The following RNF220 variants were observed in gnomAD, a reference collection of about 807,000 sequenced individuals.
RNF220 encodes ring finger protein 220.
In RNF220, 7 loss-of-function variants were observed where a neutral mutation model predicts 67.1. The ratio of observed to expected loss-of-function variants is 0.10; its 90% CI spans 0.06 to 0.20. The LOEUF is 0.20. RNF220 is among the 10% of genes least tolerant of loss of function. The probability of loss-of-function intolerance (pLI) is 1.00; values close to 1 mark genes in which losing one functional copy is unlikely to be tolerated. For missense variants in RNF220, 565 were observed against 740.3 expected, an observed-to-expected ratio of 0.76 and a Z score of 2.75; for synonymous variants, 270 against 283.2, an observed-to-expected ratio of 0.95 and a Z score of 0.47.
At chr1:44,619,894 A>G (rs1643722034) in intron 3 of RNF220, among the ~76,000 whole-genome samples, 1 of 152,138 alleles carries the variant, frequency 6.6e-6, no homozygotes, top group African/African-American at 2.4e-5. Flanking sequence ...GCTCAGAGAG[A>G]GGCAAGGAGT....
chr1:44,569,809 C>T (rs1326868616), intron 2 of RNF220, among the ~76,000 whole-genome samples: 1 of 152,214 alleles, frequency 6.6e-6, no homozygotes, highest in Non-Finnish European at 1.5e-5. Context: ...AGGGGCATTT[C>T]TTTCTAGACC....
chr1:44,649,237 A>G lies in RNF220; in HGVS notation c.1446-424A>G, dbSNP rs1038897760. The stretch of plus-strand genomic sequence containing the variant: ...TTGCTTTGAGAACATAAATTCCTCT[A>G]GGCGCTGGGAGAGTGGAATAGAGAT... On this transcript the variant is annotated intron_variant, in intron 12 of 14. Coordinates refer to ENST00000361799, the MANE Select transcript of RNF220 (RefSeq NM_018150.4). The surrounding 1 kb of genome is among the most constrained non-coding windows in gnomAD (Gnocchi z 5.9). The G allele has an allele frequency of 4.6e-5, 10 of 215,708 alleles. No homozygotes were observed. Among genetic ancestry groups the G allele is most frequent in the African/African-American group, 7.1e-5 (3 of 42,374 alleles). 13.4% of individuals were successfully genotyped at this position (215,708 alleles called of 1,614,324 possible). A position where few individuals can be genotyped will look rare whatever the true frequency, so the allele number is the denominator to read the frequency against.
At chr1:44,501,376 G>C (rs1418992697) in intron 2 of RNF220, among the ~76,000 whole-genome samples, 1 of 152,104 alleles carries the variant, frequency 6.6e-6, no homozygotes, top group East Asian at 1.9e-4. Context: ...CTAGAGTTGA[G>C]GGGGAGGGGG....
chr1:44,436,612 C>T (rs1216039437), intron 2 of RNF220, among the ~76,000 whole-genome samples: 4 of 152,108 alleles, frequency 2.6e-5, no homozygotes, highest in African/African-American at 4.8e-5. Flanking sequence ...CTTGACAAAA[C>T]ATGATTTTCT....
chr1:44,492,526 G>A lies in RNF220; in HGVS notation c.625+79804G>A, dbSNP rs866325390. ...GTGGAAGCAACCCAAATAGCCATCA[G>A]CTGATGAATGGATAAACACAAATGT... On this transcript the variant is annotated intron_variant, in intron 2 of 14. Coordinates refer to ENST00000361799, the MANE Select transcript of RNF220 (RefSeq NM_018150.4). Among the ~76,000 whole-genome samples the A allele has an allele frequency of 6.6e-5, 10 of 152,196 alleles. No individual in the cohort carries two copies. In the South Asian group the frequency reaches 1.2e-3, roughly 19 times the overall value.
At chr1:44,416,943 A>G (rs1054537807) in intron 2 of RNF220, among the ~76,000 whole-genome samples, 5 of 152,254 alleles carry the variant, frequency 3.3e-5, no homozygotes, top group Admixed American at 2.0e-4. Context: ...TGTTCTAACA[A>G]TCAAATCAGC....
At position 44,651,562 on chromosome 1, in the gene RNF220, T is replaced by C. The variant is rs1644786742; in HGVS notation, c.*787T>C. ...GCCACCCAGCCTCTGCTGAGAACCA[T>C]TCCTGGGATTAGAGCTGCCTTTCCC... On this transcript the variant is annotated 3_prime_UTR_variant, in exon 15 of 15. Coordinates refer to ENST00000361799, the MANE Select transcript of RNF220 (RefSeq NM_018150.4). The C allele has an allele frequency of 6.5e-6, 1 of 152,746 alleles. No homozygotes were observed. The highest frequency in any genetic ancestry group is 1.5e-5 in the Non-Finnish European group (1 of 68,146). 9.5% of individuals were successfully genotyped at this position (152,746 alleles called of 1,614,324 possible). A position where few individuals can be genotyped will look rare whatever the true frequency, so the allele number is the denominator to read the frequency against.
At chr1:44,427,755 A>C (rs1374345223) in intron 2 of RNF220, among the ~76,000 whole-genome samples, 2 of 152,204 alleles carry the variant, frequency 1.3e-5, no homozygotes, top group African/African-American at 4.8e-5. Flanking sequence ...TCAATCTCTT[A>C]GTGGTGTTAT....
chr1:44,643,642 T>TA (rs1644550230), intron 8 of RNF220: 1 of 152,136 alleles, frequency 6.6e-6, no homozygotes, highest in Non-Finnish European at 1.5e-5. Context: ...CAAGCAGAAA[T>TA]GTCTGAAATC....
Position 44,405,360 on chromosome 1 carries a change from C to T in RNF220, c.-288C>T, listed in dbSNP as rs1158142685. Reference sequence around the variant, plus strand: ...ATCCCAGGCAGCTCGCGAACACAAACCCGGGGCCAGCCGCCTACTGCTGCT... The same window carrying T: ...ATCCCAGGCAGCTCGCGAACACAAATCCGGGGCCAGCCGCCTACTGCTGCT... On this transcript the variant is annotated 5_prime_UTR_variant, in exon 1 of 15. Transcript: ENST00000361799. 3 of 599,892 alleles carry T rather than the reference C, an allele frequency of 5.0e-6. No individual in the cohort carries two copies. The highest frequency in any genetic ancestry group is 8.9e-6 in the Non-Finnish European group (3 of 336,966). The allele number at this position is 599,892 out of a possible 1,614,324, so 37.2% of individuals were successfully genotyped here.
chr1:44,539,438 C>T (rs1035954199), intron 2 of RNF220, among the ~76,000 whole-genome samples: 5 of 152,068 alleles, frequency 3.3e-5, no homozygotes, highest in African/African-American at 1.2e-4. Flanking sequence ...TGAATAAATA[C>T]CATTGAGCCA....
At position 44,565,324 on chromosome 1, in the gene RNF220, G is replaced by A. The variant is rs1663916084; in HGVS notation, c.626-48841G>A. Among the ~76,000 whole-genome samples the A allele has an allele frequency of 6.6e-6, 1 of 152,204 alleles. No homozygotes were observed. Among genetic ancestry groups the A allele is most frequent in the South Asian group, 2.1e-4 (1 of 4,830 alleles). On this transcript the variant is annotated intron_variant, in intron 2 of 14. Transcript: ENST00000361799. The surrounding 1 kb of genome is among the most constrained non-coding windows in gnomAD (Gnocchi z 4.2). ...GAGGGAGGGAAGAAGGAGGCAGTGA[G>A]AGGTCAGAAAGGCAGAGTTTCCTGA... is the stretch of plus-strand genomic sequence containing the variant.
chr1:44,473,014 G>A (rs1438015963), intron 2 of RNF220, among the ~76,000 whole-genome samples: 1 of 152,140 alleles, frequency 6.6e-6, no homozygotes, highest in Non-Finnish European at 1.5e-5. Flanking sequence ...GAAGGTTCTG[G>A]CTTTGAGGTT....
rs149595889 is a variant in RNF220 at position 44,586,731 on chromosome 1, G to A, written c.626-27434G>A. ...ACAGAGGAGAAAGGACCGCTCTCGTGGCAAAAATGCAAGAGCGAGAGGAAT... is the reference window on the plus strand; with the variant it reads ...ACAGAGGAGAAAGGACCGCTCTCGTAGCAAAAATGCAAGAGCGAGAGGAAT... On this transcript the variant is annotated intron_variant, in intron 2 of 14. Coordinates refer to ENST00000361799, the MANE Select transcript of RNF220 (RefSeq NM_018150.4). 1.3e-3 allele frequency among the ~76,000 whole-genome samples: 205 copies of A among 152,284 alleles called. 1 individual carries two copies. The highest frequency in any genetic ancestry group is 4.7e-3 in the African/African-American group (197 of 41,568).
intron 2 of RNF220, among the ~76,000 whole-genome samples, chr1:44,428,943 C>T (rs531285423): frequency 5.2e-4 from 79 of 152,158 alleles, no homozygotes; most frequent in Admixed American, 9.8e-4. Context: ...CCAACCCACT[C>T]CTGCCCCATT....
intron 3 of RNF220, among the ~76,000 whole-genome samples, chr1:44,620,292 A>G (rs971842374): frequency 4.6e-5 from 7 of 152,234 alleles, no homozygotes; most frequent in African/African-American, 1.4e-4. Context: ...ATGAGATAAC[A>G]CATGTTAAGG....
chr1:44,422,597 A>G (rs934156176), intron 2 of RNF220, among the ~76,000 whole-genome samples: 3 of 152,226 alleles, frequency 2.0e-5, no homozygotes, highest in Non-Finnish European at 2.9e-5. Flanking sequence ...CTGCTGCTGA[A>G]GTACCCACTG....
intron 2 of RNF220, among the ~76,000 whole-genome samples, chr1:44,435,434 T>C (rs1283616614): frequency 6.6e-6 from 1 of 152,152 alleles, no homozygotes; most frequent in Non-Finnish European, 1.5e-5. Context: ...ACTCAATAAA[T>C]AGTGACTATT....
intron 2 of RNF220, among the ~76,000 whole-genome samples, chr1:44,566,316 G>A (rs1283240208): frequency 6.6e-6 from 1 of 152,200 alleles, no homozygotes; most frequent in East Asian, 1.9e-4. Context: ...CAACAAGGAA[G>A]GGGGCTGAGG....
Sources: gnomAD v4.1 joint callset for allele counts (sites outside exome capture counted in the v4.1 genomes callset) on GRCh38, gnomAD v4.1.1 for gene constraint, Gnocchi (gnomAD v3.1) non-coding constraint, MANE v1.5 for transcripts, NCBI Gene and HGNC (gene_info 2026-07-23, HGNC 2026-07-21) for gene names.